ZNF334: variants seen among roughly 807,000 people sequenced by gnomAD.
ZNF334 encodes zinc finger protein 334.
In ZNF334, 14 loss-of-function variants were observed where a neutral mutation model predicts 12.4. The observed-to-expected ratio is 1.13, with a 90% CI of 0.74 to 1.76. The LOEUF (loss-of-function observed/expected upper bound fraction) is 1.76. Among genes scored for constraint, ZNF334 ranks in the 40% most tolerant of loss-of-function variants. ZNF334 has a pLI of 0.00. For missense variants in ZNF334, 797 were observed against 804.5 expected, an observed-to-expected ratio of 0.99 and a Z score of 0.11; for synonymous variants, 273 against 269.6, an observed-to-expected ratio of 1.01 and a Z score of -0.12.
chr20:46,497,865 G>A (rs1252974120), downstream of ZNF334, among the ~76,000 whole-genome samples: 1 of 152,172 alleles, frequency 6.6e-6, no homozygotes, highest in Non-Finnish European at 1.5e-5. Context: ...AGCCAGCATG[G>A]CATGACCATT....
chr20:46,489,628 A>G, the ZNF334 span, among the ~76,000 whole-genome samples: 1 of 139,672 alleles, frequency 7.2e-6, no homozygotes, highest in Non-Finnish European at 1.5e-5. Flanking sequence ...ATTGCACTCC[A>G]GCCTGGGTGA....
At chr20:46,498,136 C>G (rs915311224), downstream of ZNF334, among the ~76,000 whole-genome samples, 1 of 152,220 alleles carries the variant, frequency 6.6e-6, no homozygotes, top group Admixed American at 6.5e-5. Context: ...TCTCCTCTCA[C>G]CTTTCTTGAA....
the ZNF334 span, chr20:46,485,409 CT>C: frequency 4.6e-5 from 7 of 151,084 alleles, no homozygotes; most frequent in African/African-American, 1.5e-4. Flanking sequence ...AATGGGTTAG[CT>C]CGGAAAAGTG....
At chr20:46,494,991 A>G (rs2145920060), downstream of ZNF334, among the ~76,000 whole-genome samples, 1 of 152,346 alleles carries the variant, frequency 6.6e-6, no homozygotes, top group East Asian at 1.9e-4. Context: ...TAGGCTATTC[A>G]TAACATTCTC....
the ZNF334 span, chr20:46,477,208 G>A: frequency 6.6e-6 from 1 of 152,216 alleles, no homozygotes; most frequent in Admixed American, 6.5e-5. Flanking sequence ...AAAAATAGGA[G>A]AGTACAGGGA....
the ZNF334 span, among the ~76,000 whole-genome samples, chr20:46,471,645 T>C: frequency 1.6e-5 from 2 of 123,136 alleles, no homozygotes; most frequent in South Asian, 2.9e-4. Context: ...GAAAGGTAGA[T>C]TTCTTTCTTT....
chr20:46,503,111 C>T lies in ZNF334; in HGVS notation c.242-14G>A, dbSNP rs1251396605. On this transcript the variant is annotated splice_polypyrimidine_tract_variant and intron_variant, in intron 4 of 4. Coordinates refer to ENST00000692313, the MANE Select transcript of ZNF334 (RefSeq NM_001353824.2). ...CATCATCAATGTCTAGAAAAAGGAA[C>T]ACAATTAACGGTAATTGGTGAGCCT... 6.3e-7 allele frequency: 1 copy of T among 1,575,368 alleles called. No homozygotes were observed. The highest frequency in any genetic ancestry group is 8.6e-7 in the Non-Finnish European group (1 of 1,163,752).
In ZNF334 at chr20:46,501,724, T is replaced by G. The variant is rs748648053; in HGVS notation, c.1615A>C (p.Ile539Leu). ...TTGCATTCATATGGTCTCTCCCATA[T>G]AGTTCTCTGATGTACAATGAGGTGT... ...NSHLIVHQRT[I>L]WERPYECNEC... is the part of the protein sequence containing the mutation. The change falls in exon 5 of 5, where the codon ATA (isoleucine) becomes CTA (leucine). Residue 539 changes from isoleucine (I) to leucine (L), a missense_variant. Ile to Leu is a conservative substitution (Grantham distance 5). Coordinates refer to ENST00000692313, the MANE Select transcript of ZNF334 (RefSeq NM_001353824.2). The G allele has an allele frequency of 5.6e-6, 9 of 1,614,184 alleles. No homozygotes were observed. The highest frequency in any genetic ancestry group is 2.2e-5 in the South Asian group (2 of 91,084).
At chr20:46,466,268 TAAAAACACACTTA>T in the ZNF334 span, among the ~76,000 whole-genome samples, 1 of 152,118 alleles carries the variant, frequency 6.6e-6, no homozygotes, top group African/African-American at 2.4e-5. Context: ...TAAAAACAAG[TAAAAACACACTTA>T]GAAAATACAT....
the ZNF334 span, among the ~76,000 whole-genome samples, chr20:46,466,405 G>A: frequency 3.9e-5 from 6 of 152,148 alleles, no homozygotes; most frequent in South Asian, 1.0e-3. Context: ...GGTAATAAAA[G>A]GGAAATGCAA....
the ZNF334 span, chr20:46,464,370 C>T: frequency 5.9e-6 from 3 of 506,990 alleles, no homozygotes; most frequent in African/African-American, 1.9e-5. Flanking sequence ...AGCTTAGTGC[C>T]CTTCCACTTG....
At chr20:46,463,174 G>A in the ZNF334 span, among the ~76,000 whole-genome samples, 3 of 152,194 alleles carry the variant, frequency 2.0e-5, no homozygotes, top group African/African-American at 7.2e-5. Flanking sequence ...TTGAACCTAG[G>A]AGGGGGAGGT....
chr20:46,466,007 A>G, the ZNF334 span, among the ~76,000 whole-genome samples: 4 of 152,242 alleles, frequency 2.6e-5, no homozygotes, highest in Non-Finnish European at 4.4e-5. Flanking sequence ...AAGAGGGGGA[A>G]TTCATGTTAG....
At position 46,502,444 on chromosome 20, in the gene ZNF334, T is replaced by C. The variant is rs1326510586; in HGVS notation, c.895A>G (p.Arg299Gly). 1.2e-6 allele frequency: 2 copies of C among 1,614,068 alleles called. No individual in the cohort carries two copies. Among genetic ancestry groups the C allele is most frequent in the Non-Finnish European group, 8.5e-7 (1 of 1,179,966 alleles). Residue 299 changes from arginine (R) to glycine (G), a missense_variant, in exon 5 of 5, where the codon AGG (arginine) becomes GGG (glycine). Coordinates refer to ENST00000692313, the MANE Select transcript of ZNF334 (RefSeq NM_001353824.2). Reference protein sequence around the residue: ...GERPYECSECRKTFIDKSALI... With the variant: ...GERPYECSECGKTFIDKSALI... ...GCAGATTTGTCAATGAAGGTTTTCC[T>C]GCATTCACTGCATTCATAGGGTCTC...
At chr20:46,465,910 G>A in the ZNF334 span, among the ~76,000 whole-genome samples, 197 of 151,978 alleles carry the variant, frequency 1.3e-3, no homozygotes, top group African/African-American at 4.5e-3. Flanking sequence ...AGCCAAGATC[G>A]TGCCACTTAC....
chr20:46,510,044 A>G (rs1442874063), intron 2 of ZNF334, among the ~76,000 whole-genome samples: 5 of 152,214 alleles, frequency 3.3e-5, no homozygotes, highest in African/African-American at 1.2e-4. Flanking sequence ...TTTGATCAAT[A>G]TACAGTTGTT....
the ZNF334 span, among the ~76,000 whole-genome samples, chr20:46,488,696 C>T: frequency 5.9e-5 from 9 of 151,692 alleles, no homozygotes; most frequent in South Asian, 4.2e-4. Context: ...TTACTTGTAG[C>T]GCAACTCTGC....
At chr20:46,498,397 C>T (rs999807310), downstream of ZNF334, among the ~76,000 whole-genome samples, 2 of 152,188 alleles carry the variant, frequency 1.3e-5, no homozygotes, top group African/African-American at 4.8e-5. Context: ...TCAAGAAACC[C>T]TATGGAGAGG....
chr20:46,462,394 T>C, the ZNF334 span, among the ~76,000 whole-genome samples: 1 of 152,222 alleles, frequency 6.6e-6, no homozygotes, highest in African/African-American at 2.4e-5. Flanking sequence ...GTGTGACTTA[T>C]TACTGTAGGC....
Sources: allele counts gnomAD v4.1 joint callset (sites outside exome capture counted in the v4.1 genomes callset), GRCh38; gene constraint gnomAD v4.1.1; transcripts MANE v1.5; gene names NCBI Gene and HGNC (gene_info 2026-07-23, HGNC 2026-07-21).